Variants in NELL2 observed in about 807,000 individuals in gnomAD.
NELL2 encodes the protein protein kinase C-binding protein NELL2.
NELL2 carries 41 observed loss-of-function variants against 109.6 expected under a neutral mutation model. That is an observed-to-expected ratio of 0.37 (90% CI 0.29 to 0.49). NELL2 has a LOEUF of 0.49. NELL2 is among the 20% of genes least tolerant of loss of function. NELL2 has a pLI of 0.98. For missense variants in NELL2, 900 were observed against 1,008.3 expected, an observed-to-expected ratio of 0.89 and a Z score of 1.45; for synonymous variants, 355 against 344.7, an observed-to-expected ratio of 1.03 and a Z score of -0.33.
At chr12:44,882,212 G>A (rs539333346) in intron 1 of NELL2, among the ~76,000 whole-genome samples, 5 of 151,730 alleles carry the variant, frequency 3.3e-5, no homozygotes, top group Non-Finnish European at 7.4e-5. Flanking sequence ...AAATATCTGG[G>A]TTAAAAAATA....
rs931259581 is a variant in NELL2 at position 44,816,151 on chromosome 12, A to G, written c.185-15T>C. 12 of 1,569,776 alleles carry G rather than the reference A, an allele frequency of 7.6e-6. No individual in the cohort carries two copies. The highest frequency in any genetic ancestry group is 1.0e-5 in the Non-Finnish European group (12 of 1,161,770). On this transcript the variant is annotated splice_polypyrimidine_tract_variant and intron_variant, in intron 2 of 19. Coordinates refer to ENST00000429094, the MANE Select transcript of NELL2 (RefSeq NM_001145108.2). ...TCTGGGAGTATCTAAAAAAGAAACA[A>G]ACATATACTAAGAATAGTAGAATTT...
rs369633240 is a variant in NELL2, at chr12:44,532,588, C to T, written c.1797G>A (p.Ser599=). 2.4e-4 allele frequency: 393 copies of T among 1,613,202 alleles called. 3 individuals carry two copies. In the South Asian group the frequency reaches 3.8e-3, roughly 16 times the overall value. The change falls in exon 16 of 20, where the codon TCG becomes TCA. Residue 599 remains serine, a synonymous_variant. Transcript: ENST00000429094. Reference sequence around the variant, plus strand: ...TCTTCTCCTTGTACTGACCTTCACACGATTCTCCACTTGGTGAAAACATCC... The same window carrying T: ...TCTTCTCCTTGTACTGACCTTCACATGATTCTCCACTTGGTGAAAACATCC... ...DNGMFSPSGE[S]CEDIDECGTG...
intron 9 of NELL2, among the ~76,000 whole-genome samples, chr12:44,766,378 T>C (rs1375046538): frequency 6.6e-6 from 1 of 152,222 alleles, no homozygotes; most frequent in Non-Finnish European, 1.5e-5. Context: ...GTGGGCACTA[T>C]GTTGTCCCTT....
intron 13 of NELL2, among the ~76,000 whole-genome samples, chr12:44,661,210 C>T (rs1474736414): frequency 1.3e-5 from 2 of 152,178 alleles, no homozygotes; most frequent in Non-Finnish European, 2.9e-5. Flanking sequence ...TGCAGGCAGC[C>T]CATCCTAAGG....
At chr12:44,677,951 T>A (rs1432430801) in intron 12 of NELL2, among the ~76,000 whole-genome samples, 1 of 152,036 alleles carries the variant, frequency 6.6e-6, no homozygotes, top group Non-Finnish European at 1.5e-5. Flanking sequence ...GATATGTGGG[T>A]CTAGAGCTTA....
At position 44,882,121 on chromosome 12, in the gene NELL2, T is replaced by C. The variant is rs1945418265; in HGVS notation, c.39-6221A>G. On this transcript the variant is annotated intron_variant, in intron 1 of 20. Transcript: ENST00000333837. Reference sequence around the variant, plus strand: ...TGCCAATAGACCTACTCTAAAATTATTGCTAAAGAAATTTCTTCAGGCAGA... The same window carrying C: ...TGCCAATAGACCTACTCTAAAATTACTGCTAAAGAAATTTCTTCAGGCAGA... Among the ~76,000 whole-genome samples, 3 of 151,870 alleles carry C rather than the reference T, an allele frequency of 2.0e-5. No homozygotes were observed. In the South Asian group the frequency reaches 6.2e-4, roughly 31 times the overall value.
chr12:44,570,142 C>T (rs950264091), intron 15 of NELL2, among the ~76,000 whole-genome samples: 9 of 152,132 alleles, frequency 5.9e-5, no homozygotes, highest in Non-Finnish European at 1.2e-4. Context: ...GAATGTAATA[C>T]GGAATTATAG....
At chr12:44,540,799 G>C (rs865853465) in intron 15 of NELL2, among the ~76,000 whole-genome samples, 17 of 21,106 alleles carry the variant, frequency 8.1e-4, no homozygotes, top group South Asian at 3.1e-3. Context: ...AAAAAAAAAA[G>C]CCCATCCTCA....
chr12:44,636,840 A>G (rs1234578433), intron 13 of NELL2, among the ~76,000 whole-genome samples: 1 of 151,516 alleles, frequency 6.6e-6, no homozygotes, highest in Non-Finnish European at 1.5e-5. Flanking sequence ...ATTGTTTGGA[A>G]TAGTTTCAGA....
At chr12:44,605,598 C>A (rs990625337) in intron 15 of NELL2, among the ~76,000 whole-genome samples, 2 of 152,162 alleles carry the variant, frequency 1.3e-5, no homozygotes, top group Non-Finnish European at 2.9e-5. Context: ...CAGATTTCTA[C>A]AATCTTGTGA....
At position 44,525,501 on chromosome 12, in the gene NELL2, C is replaced by T. The variant is rs558298495; in HGVS notation, c.1805-2017G>A. On this transcript the variant is annotated intron_variant, in intron 16 of 19. Transcript: ENST00000429094. ...TTGCCTTTTCTGCTTATTATCTACACTGGCTCTGACAATGCAGAAACTTTT... is the reference window on the plus strand; with the variant it reads ...TTGCCTTTTCTGCTTATTATCTACATTGGCTCTGACAATGCAGAAACTTTT... Among the ~76,000 whole-genome samples, 4 of 152,304 alleles carry T rather than the reference C, an allele frequency of 2.6e-5. No individual in the cohort carries two copies. In the South Asian group the frequency reaches 8.3e-4, roughly 32 times the overall value.
chr12:44,912,665 G>A (rs140180716), intron 1 of NELL2, among the ~76,000 whole-genome samples: 1 of 152,044 alleles, frequency 6.6e-6, no homozygotes, highest in African/African-American at 2.4e-5. Context: ...CTTTTATTTA[G>A]TACCTTCTAC....
intron 9 of NELL2, among the ~76,000 whole-genome samples, chr12:44,732,369 A>C (rs1328325607): frequency 6.6e-6 from 1 of 151,984 alleles, no homozygotes; most frequent in African/African-American, 2.4e-5. Context: ...TTAAACACAG[A>C]TAATGAAACA....
At chr12:44,635,932 C>T (rs1373873678) in intron 13 of NELL2, among the ~76,000 whole-genome samples, 15 of 152,092 alleles carry the variant, frequency 9.9e-5, no homozygotes, top group Non-Finnish European at 2.2e-4. Flanking sequence ...AATGTTTTTC[C>T]ATTTGTTTGT....
At chr12:44,662,925 C>T (rs1016763421) in intron 13 of NELL2, among the ~76,000 whole-genome samples, 5 of 152,236 alleles carry the variant, frequency 3.3e-5, no homozygotes. Context: ...CAGGGACAGG[C>T]TCAGCAGTGA....
At chr12:44,690,053 CCTT>C (rs965389447) in intron 12 of NELL2, among the ~76,000 whole-genome samples, 1 of 152,106 alleles carries the variant, frequency 6.6e-6, no homozygotes, top group African/African-American at 2.4e-5. Flanking sequence ...TAAAAATAGT[CCTT>C]CTCCCACTTT....
In NELL2 at chr12:44,779,671, A is replaced by G; in HGVS notation, c.598T>C (p.Tyr200His). Reference protein sequence around the residue: ...WLGQRNNAHGYFKGIMQDVQL... With the variant: ...WLGQRNNAHGHFKGIMQDVQL... ...CTTTTGCCAAAAGATACCTTAAAAT[A>G]TCCATGCGCATTATTTCTCTGTCCT... The change falls in exon 5 of 20, where the codon TAT (tyrosine) becomes CAT (histidine). Residue 200 changes from tyrosine (Y) to histidine (H), a missense_variant. Coordinates refer to ENST00000429094, the MANE Select transcript of NELL2 (RefSeq NM_001145108.2). The G allele has an allele frequency of 6.2e-7, 1 of 1,613,038 alleles. No individual in the cohort carries two copies. Among genetic ancestry groups the G allele is most frequent in the Non-Finnish European group, 8.5e-7 (1 of 1,179,150 alleles).
intron 9 of NELL2, among the ~76,000 whole-genome samples, chr12:44,771,474 G>A (rs562677490): frequency 1.6e-4 from 24 of 152,234 alleles, no homozygotes; most frequent in Non-Finnish European, 2.5e-4. Flanking sequence ...GAGATAATAC[G>A]TACTTATAGA....
intron 9 of NELL2, among the ~76,000 whole-genome samples, chr12:44,748,985 T>C (rs1158991142): frequency 3.3e-5 from 5 of 152,182 alleles, no homozygotes; most frequent in African/African-American, 1.2e-4. Flanking sequence ...ATGACTCTGA[T>C]ACAGAGATCT....
Sources: gnomAD v4.1 joint callset for allele counts (sites outside exome capture counted in the v4.1 genomes callset) on GRCh38, gnomAD v4.1.1 for gene constraint, MANE v1.5 for transcripts, NCBI Gene and HGNC (gene_info 2026-07-23, HGNC 2026-07-21) for gene names.